The following GUCY1A2 variants were observed in gnomAD, a reference collection of about 807,000 sequenced individuals.
GUCY1A2 encodes guanylate cyclase soluble subunit alpha-2.
A neutral mutation model predicts 63.5 loss-of-function variants in GUCY1A2; 27 were observed. That is an observed-to-expected ratio of 0.43 (90% CI 0.31 to 0.59). GUCY1A2 has a LOEUF of 0.59. Ranked by LOEUF, GUCY1A2 falls within the 20% of genes least tolerant of loss-of-function variation. GUCY1A2 has a pLI of 0.11. For missense variants in GUCY1A2, 768 were observed against 913.3 expected, an observed-to-expected ratio of 0.84 and a Z score of 2.05; for synonymous variants, 364 against 343.5, an observed-to-expected ratio of 1.06 and a Z score of -0.66.
At chr11:106,856,066 C>T (rs567745253) in intron 4 of GUCY1A2, among the ~76,000 whole-genome samples, 2 of 151,684 alleles carry the variant, frequency 1.3e-5, no homozygotes, top group East Asian at 1.9e-4. Context: ...GCTGGGACTA[C>T]AGACATGTGC....
intron 4 of GUCY1A2, among the ~76,000 whole-genome samples, chr11:106,830,776 G>A (rs536821263): frequency 3.9e-5 from 6 of 152,112 alleles, no homozygotes; most frequent in Admixed American, 6.5e-5. Context: ...TATTAGTTCC[G>A]ACCCTCTAGA....
In GUCY1A2 at chr11:106,917,153, A is replaced by G. The variant is rs1002582947; in HGVS notation, c.1206+22307T>C. On this transcript the variant is annotated intron_variant, in intron 4 of 7. Coordinates refer to ENST00000526355, the MANE Select transcript of GUCY1A2 (RefSeq NM_000855.3). ...TGAGACTGGGCTACTTCTATTTCAC[A>G]TAGAGCAAGAGAAATGCCCCTCTGA... 3.4e-5 allele frequency among the ~76,000 whole-genome samples: 5 copies of G among 145,900 alleles called. 1 individual carries two copies. The highest frequency in any genetic ancestry group is 7.7e-5 in the Non-Finnish European group (5 of 64,954).
At chr11:106,727,825 C>G (rs767018842) in intron 6 of GUCY1A2, among the ~76,000 whole-genome samples, 1 of 152,096 alleles carries the variant, frequency 6.6e-6, no homozygotes, top group South Asian at 2.1e-4. Context: ...CTCCTCTTAC[C>G]TGGCCAATCA....
intron 7 of GUCY1A2, among the ~76,000 whole-genome samples, chr11:106,695,983 C>A (rs1324286228): frequency 1.3e-5 from 2 of 152,102 alleles, no homozygotes; most frequent in Non-Finnish European, 2.9e-5. Flanking sequence ...ACTTCAGCGA[C>A]ACCCCTGCAC....
rs569641272 is a variant in GUCY1A2 at position 107,017,681 on chromosome 11, T to C, written c.303+72A>G. Reference sequence around the variant, plus strand: ...TCGGGCTCTGCGCTCGCGCCCCGGCTCGCCCAGCGCCAACTTTACAGATCC... The same window carrying C: ...TCGGGCTCTGCGCTCGCGCCCCGGCCCGCCCAGCGCCAACTTTACAGATCC... On this transcript the variant is annotated intron_variant, in intron 1 of 7. Coordinates refer to ENST00000526355, the MANE Select transcript of GUCY1A2 (RefSeq NM_000855.3). 860 of 936,762 alleles carry C rather than the reference T, an allele frequency of 9.2e-4. 22 individuals are homozygous for C. Among genetic ancestry groups the C allele is most frequent in the Non-Finnish European group, 5.0e-5 (35 of 700,346 alleles). 58.0% of individuals were successfully genotyped at this position (936,762 alleles called of 1,614,324 possible).
intron 6 of GUCY1A2, among the ~76,000 whole-genome samples, chr11:106,719,043 G>A (rs770970166): frequency 9.9e-5 from 15 of 152,038 alleles, no homozygotes; most frequent in Non-Finnish European, 1.9e-4. Context: ...ATCATTCTGT[G>A]ATATTTTAGT....
chr11:107,015,699 G>A (rs577583836), intron 1 of GUCY1A2, among the ~76,000 whole-genome samples: 1 of 146,438 alleles, frequency 6.8e-6, no homozygotes, highest in African/African-American at 2.5e-5. Flanking sequence ...CTATTTTATT[G>A]CACAAATGTT....
At chr11:106,698,212 T>C (rs1327272108) in intron 7 of GUCY1A2, among the ~76,000 whole-genome samples, 1 of 146,538 alleles carries the variant, frequency 6.8e-6, no homozygotes, top group African/African-American at 2.6e-5. Flanking sequence ...CTCCATCTCC[T>C]AGGCTTAAGT....
chr11:106,889,704 A>C (rs529426137), intron 4 of GUCY1A2, among the ~76,000 whole-genome samples: 1 of 152,320 alleles, frequency 6.6e-6, no homozygotes, highest in Admixed American at 6.5e-5. Context: ...ACTGTCCAAT[A>C]AAATTCCAGT....
chr11:106,933,746 T>C (rs1293804152), intron 4 of GUCY1A2, among the ~76,000 whole-genome samples: 6 of 152,128 alleles, frequency 3.9e-5, no homozygotes, highest in Non-Finnish European at 7.4e-5. Context: ...ATATATATCA[T>C]GGAATATTGT....
intron 1 of GUCY1A2, among the ~76,000 whole-genome samples, chr11:106,987,368 G>A (rs1861415155): frequency 6.6e-6 from 1 of 152,104 alleles, no homozygotes; most frequent in Admixed American, 6.5e-5. Context: ...GAGACCCCAG[G>A]AGCTGGGCAC....
chr11:106,741,117 A>C (rs1039308618), intron 6 of GUCY1A2, among the ~76,000 whole-genome samples: 1 of 152,208 alleles, frequency 6.6e-6, no homozygotes, highest in African/African-American at 2.4e-5. Flanking sequence ...ACAATTTCAA[A>C]ATTTCTAATA....
At chr11:106,841,525 C>A (rs1196211108) in intron 4 of GUCY1A2, among the ~76,000 whole-genome samples, 1 of 151,856 alleles carries the variant, frequency 6.6e-6, no homozygotes, top group East Asian at 1.9e-4. Context: ...ATAAAGCATT[C>A]CATTCCATGT....
Position 107,002,388 on chromosome 11 carries a change from G to GGTGTGTGTGT in GUCY1A2, c.303+15355_303+15364dup, listed in dbSNP as rs71044205. ...ATCAGACATGGAGAGAATAAGAACA[G>GGTGTGTGTGT]GTGTGTGTGTGTGTGTGTGTGTGTG... is the stretch of plus-strand genomic sequence containing the variant. On this transcript the variant is annotated intron_variant, in intron 1 of 7. Coordinates refer to ENST00000526355, the MANE Select transcript of GUCY1A2 (RefSeq NM_000855.3). Among the ~76,000 whole-genome samples the GGTGTGTGTGT allele has an allele frequency of 2.3e-3, 348 of 149,124 alleles. 1 individual carries two copies. The highest frequency in any genetic ancestry group is 0.01 in the Middle Eastern group (3 of 286).
chr11:106,871,168 T>C (rs1343971346), intron 4 of GUCY1A2, among the ~76,000 whole-genome samples: 1 of 152,118 alleles, frequency 6.6e-6, no homozygotes, highest in African/African-American at 2.4e-5. Context: ...CCTAATAATG[T>C]GATGATTAAT....
intron 4 of GUCY1A2, among the ~76,000 whole-genome samples, chr11:106,856,303 A>C (rs1007652304): frequency 6.6e-6 from 1 of 152,010 alleles, no homozygotes; most frequent in African/African-American, 2.4e-5. Context: ...AAAAGAAAAA[A>C]CGTGTTAGCT....
intron 5 of GUCY1A2, among the ~76,000 whole-genome samples, chr11:106,797,932 G>C (rs1016664141): frequency 6.6e-6 from 1 of 152,128 alleles, no homozygotes; most frequent in African/African-American, 2.4e-5. Context: ...AGAACTGAAG[G>C]AGATAGAGAC....
At chr11:106,745,732 G>A (rs1298246258) in intron 6 of GUCY1A2, among the ~76,000 whole-genome samples, 1 of 152,190 alleles carries the variant, frequency 6.6e-6, no homozygotes, top group East Asian at 1.9e-4. Flanking sequence ...ATTTGCAAAT[G>A]TGGTCCCTCA....
rs151160956 is a variant in GUCY1A2, at chr11:107,010,223, A to G, written c.303+7530T>C. On this transcript the variant is annotated intron_variant, in intron 1 of 7. Coordinates refer to ENST00000526355, the MANE Select transcript of GUCY1A2 (RefSeq NM_000855.3). ...CTAAATGACTCTAGCCCTCAATGTT[A>G]TGAGGTACTCTGAGCTAACAGCACA... Among the ~76,000 whole-genome samples, 49 of 152,270 alleles carry G rather than the reference A, an allele frequency of 3.2e-4. No homozygotes were observed. In the East Asian group the frequency reaches 8.1e-3, roughly 25 times the overall value.
Sources: gnomAD v4.1 joint callset for allele counts (sites outside exome capture counted in the v4.1 genomes callset) on GRCh38, gnomAD v4.1.1 for gene constraint, MANE v1.5 for transcripts, NCBI Gene and HGNC (gene_info 2026-07-23, HGNC 2026-07-21) for gene names.